ITPKB: variants seen among roughly 807,000 people sequenced by gnomAD.
ITPKB encodes IP3 3-kinase B.
In ITPKB, 13 loss-of-function variants were observed where a neutral mutation model predicts 69.4. The observed-to-expected ratio is 0.19, with a 90% CI of 0.12 to 0.30. The LOEUF is 0.30. Ranked by LOEUF, ITPKB falls within the 10% of genes least tolerant of loss-of-function variation. The pLI is 1.00. For synonymous variants in ITPKB, 584 were observed against 513.7 expected (o/e 1.14, Z -1.85); for missense variants, 1,240 against 1,250.5 (o/e 0.99, Z 0.13).
chr1:226,703,511 C>G (rs1348938245), intron 2 of ITPKB, among the ~76,000 whole-genome samples: 1 of 152,170 alleles, frequency 6.6e-6, no homozygotes, highest in Non-Finnish European at 1.5e-5. Context: ...CCCCCACCTC[C>G]TCTCTCCTCC....
intron 2 of ITPKB, among the ~76,000 whole-genome samples, chr1:226,713,386 G>A (rs1657020564): frequency 6.6e-6 from 1 of 152,198 alleles, no homozygotes; most frequent in African/African-American, 2.4e-5. Flanking sequence ...GAGGGAAGTG[G>A]CAAACAATTG....
At chr1:226,701,980 CAGAG>C (rs956903964) in intron 2 of ITPKB, among the ~76,000 whole-genome samples, 28 of 152,222 alleles carry the variant, frequency 1.8e-4, no homozygotes, top group African/African-American at 6.5e-4. Flanking sequence ...CATGCACACA[CAGAG>C]AGGGAATCAG....
rs2102740876 is a variant in ITPKB, at chr1:226,641,653, C to T, written c.2451+268G>A. Among the ~76,000 whole-genome samples, 1 of 152,346 alleles carries T rather than the reference C, an allele frequency of 6.6e-6. No homozygotes were observed. The highest frequency in any genetic ancestry group is 1.5e-5 in the Non-Finnish European group (1 of 68,032). On this transcript the variant is annotated intron_variant, in intron 5 of 7. Coordinates refer to ENST00000429204, the MANE Select transcript of ITPKB (RefSeq NM_002221.4). This position sits in a 1 kb window ranked among gnomAD's most constrained non-coding sequence, Gnocchi z 4.6. ...TCGCCTGGCTTTCGGTGCCAGGCAC[C>T]GTCTGGGCTAAATGGAGAGTCCTCG...
chr1:226,707,134 A>G (rs1426042053), intron 2 of ITPKB: 2 of 832,342 alleles, frequency 2.4e-6, no homozygotes, highest in Non-Finnish European at 1.4e-6. Flanking sequence ...AAAGGGACCT[A>G]GTAGAATAAT....
intron 2 of ITPKB, among the ~76,000 whole-genome samples, chr1:226,681,148 G>A (rs1035321457): frequency 6.6e-6 from 1 of 152,104 alleles, no homozygotes; most frequent in Non-Finnish European, 1.5e-5. Context: ...AAACCCAGTC[G>A]TCTGGTGAGA....
At chr1:226,657,268 C>T (rs1669311233) in intron 2 of ITPKB, 1 of 152,226 alleles carries the variant, frequency 6.6e-6, no homozygotes, top group Admixed American at 6.5e-5. Flanking sequence ...TGGAACTCTG[C>T]TAGGCACTGC....
chr1:226,643,359 A>G, intron 4 of ITPKB, among the ~76,000 whole-genome samples: 1 of 152,218 alleles, frequency 6.6e-6, no homozygotes, highest in East Asian at 1.9e-4. Context: ...GTCTCCCTAC[A>G]CAACAGGCTC....
At chr1:226,659,421 T>C (rs1669359422) in intron 2 of ITPKB, among the ~76,000 whole-genome samples, 1 of 152,008 alleles carries the variant, frequency 6.6e-6, no homozygotes, top group Non-Finnish European at 1.5e-5. Context: ...ACTCACTCTC[T>C]GGCGTGCCCA....
Position 226,634,902 on chromosome 1 carries a change from G to A in ITPKB, c.2626-16C>T. The A allele has an allele frequency of 1.3e-6, 2 of 1,597,504 alleles. No homozygotes were observed. Among genetic ancestry groups the A allele is most frequent in the Non-Finnish European group, 1.7e-6 (2 of 1,168,000 alleles). ...TGCCAATGACCTGAGGAGAACATGGGGGTGAAGGGTGAGCTGAAGCCCGGG... is the reference window on the plus strand; with the variant it reads ...TGCCAATGACCTGAGGAGAACATGGAGGTGAAGGGTGAGCTGAAGCCCGGG... On this transcript the variant is annotated splice_polypyrimidine_tract_variant and intron_variant, in intron 7 of 7. Transcript: ENST00000429204. The surrounding 1 kb of genome is among the most constrained non-coding windows in gnomAD (Gnocchi z 6.3).
intron 2 of ITPKB, among the ~76,000 whole-genome samples, chr1:226,694,652 T>C (rs1475340546): frequency 6.6e-6 from 1 of 152,226 alleles, no homozygotes; most frequent in Non-Finnish European, 1.5e-5. Context: ...CTCAGCAATA[T>C]GAACATTTTG....
At chr1:226,648,915 C>T (rs1053872670) in intron 2 of ITPKB, 144 bp from the exon 3 acceptor site, 2 of 665,296 alleles carry the variant, frequency 3.0e-6, no homozygotes, top group African/African-American at 3.6e-5. Context: ...TTGCCACCAC[C>T]ATCACCTATG....
At chr1:226,675,337 C>T (rs1268159913) in intron 2 of ITPKB, among the ~76,000 whole-genome samples, 1 of 152,232 alleles carries the variant, frequency 6.6e-6, no homozygotes, top group Non-Finnish European at 1.5e-5. Context: ...CTGGGAAACA[C>T]TTGCACAAGC....
chr1:226,650,410 T>G (rs946536534), intron 2 of ITPKB, among the ~76,000 whole-genome samples: 7 of 152,230 alleles, frequency 4.6e-5, no homozygotes, highest in Non-Finnish European at 8.8e-5. Context: ...GAGGCTTTAC[T>G]GACAAGGATG....
chr1:226,665,183 C>T (rs887339516), intron 2 of ITPKB, among the ~76,000 whole-genome samples: 1 of 152,242 alleles, frequency 6.6e-6, no homozygotes, highest in Non-Finnish European at 1.5e-5. Flanking sequence ...GGCTGAGCAG[C>T]AGCCACTTAA....
At chr1:226,698,126 A>G (rs748552369) in intron 2 of ITPKB, among the ~76,000 whole-genome samples, 19 of 152,238 alleles carry the variant, frequency 1.2e-4, no homozygotes, top group Admixed American at 1.3e-4. Flanking sequence ...GCCAAGGGGA[A>G]TCACCCAAAT....
chr1:226,713,836 A>T (rs1657032698), intron 2 of ITPKB, among the ~76,000 whole-genome samples: 1 of 152,098 alleles, frequency 6.6e-6, no homozygotes, highest in South Asian at 2.1e-4. Flanking sequence ...CACATAAAAC[A>T]ATCTACCACA....
At chr1:226,694,483 T>G (rs1656430558) in intron 2 of ITPKB, among the ~76,000 whole-genome samples, 2 of 152,224 alleles carry the variant, frequency 1.3e-5, no homozygotes, top group African/African-American at 4.8e-5. Flanking sequence ...CAATAACAAC[T>G]GATCAACTGA....
intron 2 of ITPKB, among the ~76,000 whole-genome samples, chr1:226,650,337 G>A (rs866027375): frequency 6.6e-6 from 1 of 152,120 alleles, no homozygotes; most frequent in African/African-American, 2.4e-5. Flanking sequence ...TCACCCCACC[G>A]CCAAGACCAA....
rs1379910255 is a variant in ITPKB at position 226,633,408 on chromosome 1, A to C, written c.*1263T>G. ...AGAGCTGGGGGTTTTGTTCTTAAGA[A>C]GTCAGGCAAATTTTACATTCCCTTC... On this transcript the variant is annotated 3_prime_UTR_variant, in exon 8 of 8. Coordinates refer to ENST00000429204, the MANE Select transcript of ITPKB (RefSeq NM_002221.4). 6.6e-6 allele frequency: 1 copy of C among 152,242 alleles called. No homozygotes were observed. Among genetic ancestry groups the C allele is most frequent in the Admixed American group, 6.5e-5 (1 of 15,294 alleles). 9.4% of individuals were successfully genotyped at this position (152,242 alleles called of 1,614,324 possible).
Sources: allele counts gnomAD v4.1 joint callset (sites outside exome capture counted in the v4.1 genomes callset), GRCh38; gene constraint gnomAD v4.1.1; non-coding constraint Gnocchi (gnomAD v3.1); transcripts MANE v1.5; gene names NCBI Gene and HGNC (gene_info 2026-07-23, HGNC 2026-07-21).